The following SIL1 variants were observed in gnomAD, a reference collection of about 807,000 sequenced individuals.
SIL1 encodes the protein SIL1 nucleotide exchange factor.
In SIL1, 40 loss-of-function variants were observed where a neutral mutation model predicts 49.1. The observed-to-expected ratio is 0.81, with a 90% CI of 0.63 to 1.06. The LOEUF (loss-of-function observed/expected upper bound fraction) is 1.06. Ranked by LOEUF, SIL1 falls within the 50% of genes least tolerant of loss-of-function variation. SIL1 has a pLI of 0.00. For synonymous variants in SIL1, 253 were observed against 250.8 expected (o/e 1.01, Z -0.08); for missense variants, 500 against 572.6 (o/e 0.87, Z 1.29).
intron 3 of SIL1, among the ~76,000 whole-genome samples, chr5:139,112,025 T>C (rs375136986): frequency 6.6e-6 from 1 of 152,244 alleles, no homozygotes; most frequent in Non-Finnish European, 1.5e-5. Flanking sequence ...TCGTATTTTT[T>C]TGCTGGAGAC....
Position 139,121,176 on chromosome 5 carries a change from GAGAAA to G in SIL1, c.106-8_106-4del, listed in dbSNP as rs1750627591. The G allele has an allele frequency of 6.2e-7, 1 of 1,613,856 alleles. No individual in the cohort carries two copies. The highest frequency in any genetic ancestry group is 1.1e-5 in the South Asian group (1 of 91,076). On this transcript the variant is annotated splice_polypyrimidine_tract_variant and splice_region_variant and intron_variant, in intron 2 of 9. Transcript: ENST00000394817. Reference sequence around the variant, plus strand: ...GGGTTGGTCAGGGCAAACTCCTTCTGAGAAAAGAAAACACAGGGCATGACCCACTG... The same window carrying G: ...GGGTTGGTCAGGGCAAACTCCTTCTGAGAAAACACAGGGCATGACCCACTG...
At chr5:138,970,393 G>A (rs1767243632) in intron 7 of SIL1, among the ~76,000 whole-genome samples, 1 of 152,226 alleles carries the variant, frequency 6.6e-6, no homozygotes, top group Non-Finnish European at 1.5e-5. Context: ...CTATTTGGAA[G>A]CAAACAGATC....
At chr5:138,981,799 CG>C (rs1767530689) in intron 7 of SIL1, among the ~76,000 whole-genome samples, 1 of 152,160 alleles carries the variant, frequency 6.6e-6, no homozygotes, top group South Asian at 2.1e-4. Context: ...CCCACGCTCA[CG>C]CCTGCTCTCG....
intron 7 of SIL1, among the ~76,000 whole-genome samples, chr5:139,018,728 A>C (rs1430565983): frequency 6.6e-6 from 1 of 152,224 alleles, no homozygotes; most frequent in African/African-American, 2.4e-5. Context: ...GCAGAAACTC[A>C]TAGTATAAAG....
At chr5:139,042,501 T>C in intron 5 of SIL1, 119 bp downstream of exon 5, 1 of 892,534 alleles carries the variant, frequency 1.1e-6, no homozygotes, top group South Asian at 1.4e-5. Flanking sequence ...CTTTAAATTA[T>C]TTTACAATAT....
At chr5:139,159,586 C>T (rs942024187) in intron 1 of SIL1, among the ~76,000 whole-genome samples, 1 of 152,134 alleles carries the variant, frequency 6.6e-6, no homozygotes, top group Non-Finnish European at 1.5e-5. Context: ...ACTAATTGTA[C>T]CTCTTTCAAA....
intron 7 of SIL1, among the ~76,000 whole-genome samples, chr5:138,991,623 G>A (rs1196582315): frequency 2.0e-5 from 3 of 152,216 alleles, no homozygotes; most frequent in African/African-American, 4.8e-5. Flanking sequence ...GTACAGGGTC[G>A]ATATTTCCTG....
chr5:139,033,128 G>A (rs776530502), intron 5 of SIL1, among the ~76,000 whole-genome samples: 75 of 152,146 alleles, frequency 4.9e-4, no homozygotes, highest in Non-Finnish European at 6.3e-4. Flanking sequence ...CGAGTAGCTC[G>A]GACTACAAGC....
At chr5:139,107,229 G>A (rs1466882913) in intron 3 of SIL1, among the ~76,000 whole-genome samples, 3 of 152,168 alleles carry the variant, frequency 2.0e-5, no homozygotes, top group Admixed American at 6.5e-5. Context: ...CTGAGTAAGA[G>A]CCCTCCTTCT....
rs964455791 is a variant in SIL1 at position 139,175,047 on chromosome 5, C to T, written c.-11+23222G>A. 6.0e-5 allele frequency among the ~76,000 whole-genome samples: 9 copies of T among 150,546 alleles called. No homozygotes were observed. The East Asian group carries it at 1.2e-3, about 20-fold the overall frequency. On this transcript the variant is annotated intron_variant, in intron 1 of 9. Transcript: ENST00000394817. ...GATTATAAGAGTGTACTAGGCCAGG[C>T]GCAGTGGCTCACACCTGTAATCCCA...
intron 7 of SIL1, among the ~76,000 whole-genome samples, chr5:139,001,529 T>C (rs933537857): frequency 2.0e-5 from 3 of 152,162 alleles, no homozygotes; most frequent in Non-Finnish European, 4.4e-5. Flanking sequence ...TGTAACAACA[T>C]AGAAAACTAC....
At chr5:139,016,706 A>G (rs771050507) in intron 7 of SIL1, among the ~76,000 whole-genome samples, 6 of 152,186 alleles carry the variant, frequency 3.9e-5, no homozygotes. Context: ...AAAGATGCCA[A>G]TGATGACAAA....
chr5:138,987,731 CA>C lies in SIL1; in HGVS notation c.767+33439del, dbSNP rs201502670. 6.9e-3 allele frequency among the ~76,000 whole-genome samples: 1,051 copies of C among 152,336 alleles called. 12 individuals carry two copies. Among genetic ancestry groups the C allele is most frequent in the African/African-American group, 0.019 (810 of 41,566 alleles). On this transcript the variant is annotated intron_variant, in intron 7 of 9. Transcript: ENST00000394817. ...CCTACCCTGAGGATAATCTCTTTAC[CA>C]GGAGCATGACCATGGAAAGGGCCAC... is the stretch of plus-strand genomic sequence containing the variant.
intron 3 of SIL1, among the ~76,000 whole-genome samples, chr5:139,054,378 C>G (rs1447380124): frequency 3.3e-5 from 5 of 152,302 alleles, no homozygotes; most frequent in South Asian, 4.1e-4. Flanking sequence ...CCACTGCACT[C>G]TAGCCTGGGC....
intron 8 of SIL1, among the ~76,000 whole-genome samples, 160 bp from the exon 9 acceptor site, chr5:138,951,495 G>A (rs1766777398): frequency 6.6e-6 from 1 of 152,236 alleles, no homozygotes; most frequent in Admixed American, 6.5e-5. Context: ...GAGGCCAGGA[G>A]GGACTCAGAC....
At chr5:138,964,181 A>G (rs1328519806) in intron 7 of SIL1, among the ~76,000 whole-genome samples, 4 of 152,226 alleles carry the variant, frequency 2.6e-5, no homozygotes, top group Admixed American at 2.0e-4. Flanking sequence ...CAAACATGCT[A>G]TTTGTCTGAG....
At chr5:139,002,150 C>A (rs1767999891) in intron 7 of SIL1, among the ~76,000 whole-genome samples, 1 of 150,774 alleles carries the variant, frequency 6.6e-6, no homozygotes, top group Non-Finnish European at 1.5e-5. Flanking sequence ...GGTCGGGCTG[C>A]AGTGAACCAA....
Position 139,185,231 on chromosome 5 carries a change from T to C in SIL1, c.-11+13038A>G, listed in dbSNP as rs185392862. 4.1e-3 allele frequency among the ~76,000 whole-genome samples: 631 copies of C among 152,232 alleles called. 6 individuals carry two copies. The highest frequency in any genetic ancestry group is 0.014 in the Middle Eastern group (4 of 294). The stretch of plus-strand genomic sequence containing the variant: ...AGTGTCAGGGTGTGTGAGTGTACCT[T>C]GAAATGGGATGGCATCCTGTCCAAG... On this transcript the variant is annotated intron_variant, in intron 1 of 9. Transcript: ENST00000394817.
intron 3 of SIL1, among the ~76,000 whole-genome samples, chr5:139,117,103 C>T (rs1771006876): frequency 6.6e-6 from 1 of 152,224 alleles, no homozygotes; most frequent in African/African-American, 2.4e-5. Flanking sequence ...TCTTTATGCC[C>T]TCACTGAGCA....
Sources: allele counts gnomAD v4.1 joint callset (sites outside exome capture counted in the v4.1 genomes callset), GRCh38; gene constraint gnomAD v4.1.1; transcripts MANE v1.5; gene names NCBI Gene and HGNC (gene_info 2026-07-23, HGNC 2026-07-21).